Variants in CPA6 observed in about 807,000 individuals in gnomAD.
CPA6 encodes carboxypeptidase B.
Under a neutral mutation model 63.3 loss-of-function variants are expected in CPA6, and 58 were observed. The observed-to-expected ratio is 0.92, with a 90% CI of 0.74 to 1.14. CPA6 has a LOEUF of 1.14. CPA6 is among the 50% of genes most tolerant of loss of function. CPA6 has a pLI of 0.00. For synonymous variants in CPA6, 185 were observed against 179.0 expected, an observed-to-expected ratio of 1.03 and a Z score of -0.27; for missense variants, 565 against 526.6, an observed-to-expected ratio of 1.07 and a Z score of -0.71.
intron 9 of CPA6, among the ~76,000 whole-genome samples, chr8:67,430,675 G>A (rs1810007189): frequency 6.6e-6 from 1 of 152,070 alleles, no homozygotes; most frequent in South Asian, 2.1e-4. Flanking sequence ...TCTCAACAAT[G>A]GCATTGTTGA....
chr8:67,574,497 A>G (rs1433142852), intron 2 of CPA6, among the ~76,000 whole-genome samples: 2 of 152,220 alleles, frequency 1.3e-5, no homozygotes, highest in African/African-American at 4.8e-5. Flanking sequence ...ACTATACTAC[A>G]AAGTGATAGT....
chr8:67,582,063 G>T (rs1309905868), intron 2 of CPA6, among the ~76,000 whole-genome samples: 2 of 152,084 alleles, frequency 1.3e-5, no homozygotes, highest in Non-Finnish European at 2.9e-5. Flanking sequence ...GGGGTGGAAA[G>T]TTATTTTGTC....
At chr8:67,696,562 G>A (rs1241577577) in intron 1 of CPA6, among the ~76,000 whole-genome samples, 3 of 151,656 alleles carry the variant, frequency 2.0e-5, no homozygotes, top group African/African-American at 4.9e-5. Flanking sequence ...ACAGAAGTGT[G>A]CATAATATTC....
chr8:67,544,213 A>G (rs1418088906), intron 2 of CPA6, among the ~76,000 whole-genome samples: 1 of 152,190 alleles, frequency 6.6e-6, no homozygotes, highest in Non-Finnish European at 1.5e-5. Context: ...ATTAACTTTA[A>G]TCAGGTTTGA....
At chr8:67,427,961 C>A (rs769800296) in intron 10 of CPA6, 86 bp downstream of exon 10, 7 of 864,110 alleles carry the variant, frequency 8.1e-6, no homozygotes, top group Non-Finnish European at 1.1e-5. Context: ...AGGGAGAACA[C>A]ACTTTCTCCC....
intron 2 of CPA6, among the ~76,000 whole-genome samples, chr8:67,585,527 C>A (rs62513793): frequency 7.2e-5 from 11 of 151,960 alleles, no homozygotes; most frequent in Admixed American, 6.6e-4. Context: ...CATACATTCT[C>A]GGTAGATAAG....
At chr8:67,670,321 C>T (rs755517386) in intron 1 of CPA6, among the ~76,000 whole-genome samples, 3 of 152,026 alleles carry the variant, frequency 2.0e-5, no homozygotes, top group African/African-American at 7.3e-5. Context: ...GAGCAGGAGG[C>T]GGCAGGGGGA....
At chr8:67,430,320 C>T (rs1049201479) in intron 9 of CPA6, among the ~76,000 whole-genome samples, 4 of 151,736 alleles carry the variant, frequency 2.6e-5, no homozygotes, top group African/African-American at 7.3e-5. Context: ...GCTGGGATTA[C>T]AGGCACCCGC....
At chr8:67,688,600 T>TAG (rs1816753339) in intron 1 of CPA6, among the ~76,000 whole-genome samples, 1 of 152,178 alleles carries the variant, frequency 6.6e-6, no homozygotes, top group Non-Finnish European at 1.5e-5. Flanking sequence ...GAGGTTTGTG[T>TAG]CAAAAACAAC....
At chr8:67,468,479 G>A (rs140955952) in intron 8 of CPA6, among the ~76,000 whole-genome samples, 430 of 151,900 alleles carry the variant, frequency 2.8e-3, no homozygotes, top group African/African-American at 5.3e-3. Flanking sequence ...CCAGCTACTC[G>A]GGAGGCTGAG....
intron 1 of CPA6, among the ~76,000 whole-genome samples, chr8:67,683,209 T>G (rs763307607): frequency 2.0e-5 from 3 of 152,250 alleles, no homozygotes; most frequent in African/African-American, 7.2e-5. Context: ...TTGTTTCATG[T>G]GTTTTCTTAG....
At chr8:67,629,146 C>G (rs867425659) in intron 1 of CPA6, among the ~76,000 whole-genome samples, 60 of 149,918 alleles carry the variant, frequency 4.0e-4, no homozygotes, top group African/African-American at 1.4e-3. Flanking sequence ...CCCAAAAAAA[C>G]AAACAAAAAA....
chr8:67,548,795 G>T (rs185288630), intron 2 of CPA6, among the ~76,000 whole-genome samples: 22 of 152,314 alleles, frequency 1.4e-4, no homozygotes, highest in Admixed American at 1.4e-3. Flanking sequence ...CACTGCCTCT[G>T]CCTCCACTCT....
chr8:67,677,175 G>A (rs76792586), intron 1 of CPA6, among the ~76,000 whole-genome samples: 10,588 of 152,098 alleles, frequency 0.07, 608 homozygotes, highest in African/African-American at 0.15. Context: ...TTCTTGCCGT[G>A]TCACAGCAGG....
At chr8:67,478,608 T>C (rs1811293273) in intron 8 of CPA6, among the ~76,000 whole-genome samples, 1 of 152,146 alleles carries the variant, frequency 6.6e-6, no homozygotes, top group Non-Finnish European at 1.5e-5. Flanking sequence ...TTGCTTGGGG[T>C]TTAGCAAGAA....
intron 1 of CPA6, among the ~76,000 whole-genome samples, chr8:67,670,100 G>A (rs1394566737): frequency 1.3e-5 from 2 of 152,204 alleles, no homozygotes; most frequent in Non-Finnish European, 2.9e-5. Flanking sequence ...CATCTAAGAT[G>A]TAGAATACAT....
intron 2 of CPA6, among the ~76,000 whole-genome samples, chr8:67,607,674 T>TA (rs1203485894): frequency 6.6e-6 from 1 of 152,210 alleles, no homozygotes; most frequent in Non-Finnish European, 1.5e-5. Flanking sequence ...ATAGGGTCAA[T>TA]AGACACTTGC....
intron 1 of CPA6, among the ~76,000 whole-genome samples, chr8:67,734,550 C>G (rs977350900): frequency 2.6e-5 from 4 of 152,152 alleles, no homozygotes; most frequent in Non-Finnish European, 4.4e-5. Context: ...TTAGGGAGAA[C>G]TGGACTCCCC....
At chr8:67,487,838 T>C (rs1811516716) in intron 6 of CPA6, among the ~76,000 whole-genome samples, 1 of 152,270 alleles carries the variant, frequency 6.6e-6, no homozygotes, top group Non-Finnish European at 1.5e-5. Context: ...ATGTGTCTTT[T>C]GGATGCATAA....
Sources: allele counts gnomAD v4.1 joint callset (sites outside exome capture counted in the v4.1 genomes callset), GRCh38; gene constraint gnomAD v4.1.1; transcripts MANE v1.5; gene names NCBI Gene and HGNC (gene_info 2026-07-23, HGNC 2026-07-21).